The following PCDH11X variants were observed in gnomAD, a reference collection of about 807,000 sequenced individuals.
PCDH11X encodes protocadherin 11 X-linked.
Under a neutral mutation model 53.3 loss-of-function variants are expected in PCDH11X, and 18 were observed. The observed-to-expected ratio is 0.34, with a 90% confidence interval of 0.23 to 0.50. The LOEUF (loss-of-function observed/expected upper bound fraction) is 0.50. Among genes scored for constraint, PCDH11X ranks in the 20% least tolerant of loss-of-function variants. The probability of loss-of-function intolerance (pLI) is 0.98; values close to 1 mark genes in which losing one functional copy is unlikely to be tolerated. For missense variants in PCDH11X, 570 were observed against 1,032.4 expected (o/e 0.55, Z 6.14); for synonymous variants, 279 against 393.3 (o/e 0.71, Z 3.44).
At position 92,132,090 on chromosome X, in the gene PCDH11X, G is replaced by A. The variant is rs1318912148; in HGVS notation, c.3034-69285G>A. Among the ~76,000 whole-genome samples, 3 of 97,335 alleles carry A rather than the reference G, an allele frequency of 3.1e-5. No individual in the cohort carries two copies. The East Asian group carries it at 9.6e-4, about 31-fold the overall frequency. The allele number at this position is 97,335 out of a possible 115,157, so 84.5% of individuals were successfully genotyped here. A position where few individuals can be genotyped will look rare whatever the true frequency, so the allele number is the denominator to read the frequency against. ...CGTTCGAGACCAGCCTGGCCAACAT[G>A]GTGAAACCCCGTCTCTACTAAAAAT... is the stretch of plus-strand genomic sequence containing the variant. On this transcript the variant is annotated intron_variant, in intron 6 of 10. Coordinates refer to ENST00000682573, the MANE Select transcript of PCDH11X (RefSeq NM_032968.5).
chrX:92,042,799 G>C (rs1305952784), intron 6 of PCDH11X, among the ~76,000 whole-genome samples: 2 of 107,141 alleles, frequency 1.9e-5, no homozygotes, highest in Non-Finnish European at 3.8e-5. Flanking sequence ...CCCACACCCA[G>C]CTAATTTTTT....
chrX:92,460,205 A>G, intron 9 of PCDH11X: 1 of 917,255 alleles, frequency 1.1e-6, no homozygotes, highest in East Asian at 3.1e-5. Context: ...GTGGAGAACG[A>G]CATCCATGGG....
At chrX:92,191,422 TG>T (rs758734116) in intron 6 of PCDH11X, among the ~76,000 whole-genome samples, 1 of 112,485 alleles carries the variant, frequency 8.9e-6, no homozygotes, top group Non-Finnish European at 1.9e-5. Context: ...AATATTTTCT[TG>T]GCTTATCACC....
intron 10 of PCDH11X, among the ~76,000 whole-genome samples, chrX:92,545,474 T>C (rs752666768): frequency 3.9e-4 from 39 of 100,911 alleles, no homozygotes; most frequent in Non-Finnish European, 6.9e-4. Context: ...CCGTCTGGGC[T>C]CAGTGTAAGC....
chrX:92,294,546 G>A (rs2068568969), intron 8 of PCDH11X, among the ~76,000 whole-genome samples: 1 of 112,039 alleles, frequency 8.9e-6, no homozygotes, highest in African/African-American at 3.2e-5. Flanking sequence ...CTTGAAATAT[G>A]CTCATTAATT....
chrX:92,113,398 T>C (rs1332523810), intron 6 of PCDH11X: 8 of 1,200,592 alleles, frequency 6.7e-6, no homozygotes, highest in Non-Finnish European at 8.9e-6. Context: ...GTGGATATAG[T>C]TTTCCCTGTT....
intron 8 of PCDH11X, among the ~76,000 whole-genome samples, chrX:92,278,548 T>C (rs1262234250): frequency 9.3e-6 from 1 of 107,854 alleles, no homozygotes; most frequent in Non-Finnish European, 1.9e-5. Context: ...TGTTCTCTGG[T>C]GGGCAGGGGC....
chrX:92,107,752 T>C (rs1282778335), intron 6 of PCDH11X, among the ~76,000 whole-genome samples: 2 of 111,611 alleles, frequency 1.8e-5, no homozygotes, highest in African/African-American at 3.3e-5. Flanking sequence ...TTCCCTAAAA[T>C]ATATAAAACC....
At position 91,909,959 on chromosome X, in the gene PCDH11X, C is replaced by A. The variant is rs371568065; in HGVS notation, c.3033+30686C>A. Among the ~76,000 whole-genome samples, 16 of 111,324 alleles carry A rather than the reference C, an allele frequency of 1.4e-4. No homozygotes were observed. The South Asian group carries it at 6.0e-3, about 42-fold the overall frequency. On this transcript the variant is annotated intron_variant, in intron 6 of 10. Coordinates refer to ENST00000682573, the MANE Select transcript of PCDH11X (RefSeq NM_032968.5). ...CGACTCTCTTAACAAATTTCAAGTA[C>A]GCAATACAGTATGATTAACTATAGT...
chrX:91,822,588 C>T (rs1453273673), intron 4 of PCDH11X, among the ~76,000 whole-genome samples: 4 of 105,297 alleles, frequency 3.8e-5, no homozygotes, highest in Non-Finnish European at 7.8e-5. Flanking sequence ...GTCTTGCTAG[C>T]AGTCTATCAA....
intron 8 of PCDH11X, among the ~76,000 whole-genome samples, chrX:92,374,908 TTAA>T (rs2070704333): frequency 9.2e-6 from 1 of 108,859 alleles, no homozygotes; most frequent in African/African-American, 3.3e-5. Flanking sequence ...AATTGAATTA[TTAA>T]TTACTATCTT....
intron 5 of PCDH11X, among the ~76,000 whole-genome samples, chrX:91,844,405 C>T (rs1291392378): frequency 9.1e-6 from 1 of 110,138 alleles, no homozygotes; most frequent in African/African-American, 3.3e-5. Context: ...CCTCGTGGCC[C>T]TCCATATGAC....
Position 92,319,068 on chromosome X carries a change from C to T in PCDH11X, c.3144+55925C>T, listed in dbSNP as rs186331596. Among the ~76,000 whole-genome samples, 82 of 112,272 alleles carry T rather than the reference C, an allele frequency of 7.3e-4. 1 individual carries two copies. In the East Asian group the frequency reaches 0.021, roughly 29 times the overall value. On this transcript the variant is annotated intron_variant, in intron 8 of 10. Coordinates refer to ENST00000682573, the MANE Select transcript of PCDH11X (RefSeq NM_032968.5). Reference sequence around the variant, plus strand: ...TTTGCAAGCATTTTGCAAGCAGCCTCATTGCTATATGGGCACAACTGTAAA... The same window carrying T: ...TTTGCAAGCATTTTGCAAGCAGCCTTATTGCTATATGGGCACAACTGTAAA...
intron 5 of PCDH11X, among the ~76,000 whole-genome samples, chrX:91,875,004 A>G (rs1939515087): frequency 9.3e-6 from 1 of 107,785 alleles, no homozygotes; most frequent in Non-Finnish European, 1.9e-5. Context: ...TATGTTAAAA[A>G]TGTAGTAGAG....
intron 6 of PCDH11X, among the ~76,000 whole-genome samples, chrX:92,066,968 G>A (rs1437709150): frequency 9.0e-6 from 1 of 111,631 alleles, no homozygotes; most frequent in African/African-American, 3.3e-5. Context: ...GCTGGGCATG[G>A]TGGTGCATGC....
chrX:91,817,887 A>G (rs1348048286), intron 4 of PCDH11X, among the ~76,000 whole-genome samples: 6 of 111,537 alleles, frequency 5.4e-5, no homozygotes, highest in Admixed American at 1.9e-4. Context: ...TTTATTTTCC[A>G]GGGTTGACAG....
intron 1 of PCDH11X, among the ~76,000 whole-genome samples, chrX:91,794,514 T>C (rs1340470054): frequency 1.8e-5 from 2 of 111,730 alleles, no homozygotes; most frequent in African/African-American, 6.5e-5. Context: ...TAACATTTCT[T>C]TGCAGAAAAA....
intron 6 of PCDH11X, among the ~76,000 whole-genome samples, chrX:91,911,060 A>G (rs755608936): frequency 9.0e-6 from 1 of 111,596 alleles, no homozygotes; most frequent in African/African-American, 3.2e-5. Flanking sequence ...AATTATCTAA[A>G]TTATCTGAAT....
intron 6 of PCDH11X, among the ~76,000 whole-genome samples, chrX:92,179,795 T>C (rs1262499194): frequency 1.8e-5 from 2 of 111,823 alleles, no homozygotes; most frequent in Non-Finnish European, 3.8e-5. Context: ...ACATATTTTA[T>C]TCCTTCCAAT....
Sources: allele counts gnomAD v4.1 joint callset (sites outside exome capture counted in the v4.1 genomes callset), GRCh38; gene constraint gnomAD v4.1.1; transcripts MANE v1.5; gene names NCBI Gene and HGNC (gene_info 2026-07-23, HGNC 2026-07-21).